The following STAC variants were observed in gnomAD, a reference collection of about 807,000 sequenced individuals.
STAC encodes the protein SH3 and cysteine-rich domain-containing protein.
STAC carries 43 observed loss-of-function variants against 48.8 expected under a neutral mutation model. The ratio of observed to expected loss-of-function variants is 0.88; its 90% CI spans 0.69 to 1.14. The LOEUF is 1.14. Among genes scored for constraint, STAC ranks in the 50% most tolerant of loss-of-function variants. The pLI is 0.00. For missense variants in STAC, 497 were observed against 504.0 expected (o/e 0.99, Z 0.13); for synonymous variants, 193 against 179.5 (o/e 1.07, Z -0.60).
At chr3:36,536,736 A>G (rs986577018) in intron 10 of STAC, among the ~76,000 whole-genome samples, 23 of 152,300 alleles carry the variant, frequency 1.5e-4, no homozygotes, top group African/African-American at 5.3e-4. Flanking sequence ...CAGAGTGAAC[A>G]GACAGCCTAC....
At chr3:36,529,297 G>C (rs1324745506) in intron 10 of STAC, 1 of 177,468 alleles carries the variant, frequency 5.6e-6, no homozygotes, top group African/African-American at 2.4e-5. Context: ...TTTGGGCTCT[G>C]AGTTAGCGTC....
chr3:36,409,671 G>T (rs192508773), intron 1 of STAC: 7 of 152,106 alleles, frequency 4.6e-5, no homozygotes, highest in Non-Finnish European at 8.8e-5. Flanking sequence ...ATCCATCCAC[G>T]TGCATCTTGG....
intron 2 of STAC, 24 bp from the exon 3 acceptor site, chr3:36,482,968 C>G (rs754413019): frequency 6.3e-7 from 1 of 1,587,318 alleles, no homozygotes; most frequent in Admixed American, 1.7e-5. Context: ...GTATCCTAAC[C>G]AAAGTTTGCC....
chr3:36,476,948 G>A (rs1232973747), intron 2 of STAC, among the ~76,000 whole-genome samples: 1 of 152,132 alleles, frequency 6.6e-6, no homozygotes, highest in Admixed American at 6.5e-5. Context: ...GACGTTGAGA[G>A]GAGTCCAATA....
chr3:36,404,820 T>A (rs1700060236), intron 1 of STAC, among the ~76,000 whole-genome samples: 1 of 152,064 alleles, frequency 6.6e-6, no homozygotes. Flanking sequence ...GTTTCTGGAA[T>A]TATACGCACC....
chr3:36,529,805 C>G (rs1486199927), intron 10 of STAC, among the ~76,000 whole-genome samples: 1 of 151,978 alleles, frequency 6.6e-6, no homozygotes, highest in Non-Finnish European at 1.5e-5. Context: ...GTCCTGTGTC[C>G]TCACTACAGA....
chr3:36,489,620 C>CTCCTT (rs751195898), intron 5 of STAC, among the ~76,000 whole-genome samples: 1 of 152,216 alleles, frequency 6.6e-6, no homozygotes, highest in Non-Finnish European at 1.5e-5. Flanking sequence ...TTAGACTAAC[C>CTCCTT]TCCTTAAATG....
intron 1 of STAC, among the ~76,000 whole-genome samples, chr3:36,418,291 T>C (rs1700364715): frequency 2.6e-5 from 4 of 152,204 alleles, no homozygotes; most frequent in Admixed American, 6.5e-5. Flanking sequence ...ACAACTATGA[T>C]TGTATCTCTT....
intron 1 of STAC, among the ~76,000 whole-genome samples, chr3:36,426,713 A>G (rs1229465053): frequency 6.6e-6 from 1 of 152,186 alleles, no homozygotes; most frequent in African/African-American, 2.4e-5. Context: ...AAATTCTATA[A>G]CGTATATGAA....
intron 1 of STAC, among the ~76,000 whole-genome samples, chr3:36,438,345 CTG>C (rs1379866943): frequency 2.0e-5 from 3 of 152,168 alleles, no homozygotes; most frequent in African/African-American, 7.2e-5. Context: ...TGAAGAATAT[CTG>C]TTTCTTTTAC....
intron 1 of STAC, among the ~76,000 whole-genome samples, chr3:36,413,178 A>T (rs904284509): frequency 6.6e-6 from 1 of 152,166 alleles, no homozygotes; most frequent in Non-Finnish European, 1.5e-5. Flanking sequence ...GGTTCTATAG[A>T]TGTCTATTAG....
intron 2 of STAC, among the ~76,000 whole-genome samples, chr3:36,452,051 G>A (rs1005176888): frequency 2.6e-5 from 4 of 152,220 alleles, no homozygotes; most frequent in Non-Finnish European, 5.9e-5. Context: ...GAAGTTACTA[G>A]CACATTCTTG....
At chr3:36,432,643 C>T (rs1428768833) in intron 1 of STAC, among the ~76,000 whole-genome samples, 1 of 151,132 alleles carries the variant, frequency 6.6e-6, no homozygotes, top group East Asian at 1.9e-4. Flanking sequence ...GCGGAGGTTG[C>T]AGTGAGCCAA....
At chr3:36,451,599 C>CT (rs1314979261) in intron 2 of STAC, among the ~76,000 whole-genome samples, 3 of 152,132 alleles carry the variant, frequency 2.0e-5, no homozygotes, top group Non-Finnish European at 2.9e-5. Flanking sequence ...CTTCCCAATT[C>CT]TTTTTCTTCT....
At chr3:36,465,228 T>C (rs1697135483) in intron 2 of STAC, among the ~76,000 whole-genome samples, 1 of 152,242 alleles carries the variant, frequency 6.6e-6, no homozygotes, top group African/African-American at 2.4e-5. Flanking sequence ...TTGAACATTT[T>C]TTCATATGTT....
chr3:36,410,506 A>C (rs573426402), intron 1 of STAC, among the ~76,000 whole-genome samples: 5 of 152,122 alleles, frequency 3.3e-5, no homozygotes, highest in Non-Finnish European at 7.4e-5. Context: ...CAGCAGCTTG[A>C]CCATTTTGGG....
chr3:36,493,491 T>C (rs112560114), intron 6 of STAC, among the ~76,000 whole-genome samples: 1 of 139,282 alleles, frequency 7.2e-6, no homozygotes, highest in African/African-American at 2.7e-5. Flanking sequence ...TATACATATA[T>C]ATATATATAA....
chr3:36,389,290 G>A (rs2125614562), intron 1 of STAC, among the ~76,000 whole-genome samples: 1 of 152,240 alleles, frequency 6.6e-6, no homozygotes, highest in South Asian at 2.1e-4. Flanking sequence ...CCAAGATCAA[G>A]GCATCAGCAG....
At chr3:36,517,324 G>A (rs1460376092) in intron 8 of STAC, among the ~76,000 whole-genome samples, 2 of 152,156 alleles carry the variant, frequency 1.3e-5, no homozygotes, top group Non-Finnish European at 2.9e-5. Context: ...TGGACTGCCA[G>A]TTTAATTCAT....
Sources: gnomAD v4.1 joint callset for allele counts (sites outside exome capture counted in the v4.1 genomes callset) on GRCh38, gnomAD v4.1.1 for gene constraint, MANE v1.5 for transcripts, NCBI Gene and HGNC (gene_info 2026-07-23, HGNC 2026-07-21) for gene names.